The following PIKFYVE variants were observed in gnomAD, a reference collection of about 807,000 sequenced individuals.
PIKFYVE encodes the protein phosphoinositide kinase, FYVE-type zinc finger containing.
A neutral mutation model predicts 257.9 loss-of-function variants in PIKFYVE; 122 were observed. That is an observed-to-expected ratio of 0.47 (90% CI 0.41 to 0.55). The LOEUF is 0.55. Among genes scored for constraint, PIKFYVE ranks in the 20% least tolerant of loss-of-function variants. The pLI is 0.00. For synonymous variants in PIKFYVE, 892 were observed against 868.9 expected, an observed-to-expected ratio of 1.03 and a Z score of -0.47; for missense variants, 2,160 against 2,536.6, an observed-to-expected ratio of 0.85 and a Z score of 3.19.
rs1465449127 is a variant in PIKFYVE, at chr2:208,269,055, T to A, written c.-9-2456T>A. On this transcript the variant is annotated intron_variant, in intron 1 of 41. Transcript: ENST00000264380. ...TTGTTTTAGGTTCAGAGTACCTTGG[T>A]TGCCTCAAAGGTAAAATGTCATAAA... Among the ~76,000 whole-genome samples the A allele has an allele frequency of 3.3e-5, 5 of 152,304 alleles. No individual in the cohort carries two copies. The East Asian group carries it at 9.6e-4, about 29-fold the overall frequency.
intron 35 of PIKFYVE, among the ~76,000 whole-genome samples, chr2:208,348,530 C>T (rs1230822004): frequency 6.6e-6 from 1 of 150,858 alleles, no homozygotes; most frequent in Non-Finnish European, 1.5e-5. Flanking sequence ...GGCAGGATCA[C>T]TTGAAGCCAG....
At chr2:208,271,810 G>C in intron 2 of PIKFYVE, 119 bp downstream of exon 2, 1 of 972,728 alleles carries the variant, frequency 1.0e-6, no homozygotes, top group Non-Finnish European at 1.5e-6. Flanking sequence ...TTTAATGCTG[G>C]GTCTGTAAGA....
At chr2:208,305,528 C>G (rs1445212458) in intron 12 of PIKFYVE, 12 of 820,250 alleles carry the variant, frequency 1.5e-5, no homozygotes, top group Non-Finnish European at 1.8e-5. Flanking sequence ...TTTATTAAAA[C>G]AATTTCTTCT....
At position 208,335,789 on chromosome 2, in the gene PIKFYVE, T is replaced by A. The variant is rs1199258733; in HGVS notation, c.4257-4T>A. The A allele has an allele frequency of 6.2e-7, 1 of 1,601,400 alleles. No homozygotes were observed. The highest frequency in any genetic ancestry group is 8.6e-7 in the Non-Finnish European group (1 of 1,168,896). ...AAAGTGTTTAATGCTCTCGCTATTG[T>A]TAGAGTTTCACAGGTATATGTTGCC... On this transcript the variant is annotated splice_polypyrimidine_tract_variant and splice_region_variant and intron_variant, in intron 25 of 41. Transcript: ENST00000264380.
In PIKFYVE at chr2:208,324,846, G is replaced by C. The variant is rs1696731925; in HGVS notation, c.2332-65G>C. ...TTTTAATTTTTCCATTACTTTTCCA[G>C]ATTAAATTTACAAAGATTTTTATTC... is the stretch of plus-strand genomic sequence containing the variant. On this transcript the variant is annotated intron_variant, in intron 18 of 41. Coordinates refer to ENST00000264380, the MANE Select transcript of PIKFYVE (RefSeq NM_015040.4). 3.2e-6 allele frequency: 5 copies of C among 1,567,482 alleles called. No individual in the cohort carries two copies. The Admixed American group carries it at 6.7e-5, about 21-fold the overall frequency.
rs761210553 is a variant in PIKFYVE at position 208,324,187 on chromosome 2, C to T, written c.2236C>T (p.Arg746Ter). ...TTATGTCCAGCGAATAGTTGATGTT[C>T]GACCCACCTTGGTTCTTGTTGAGAA... is the stretch of plus-strand genomic sequence containing the variant. Reference protein sequence around the residue: ...KNYVQRIVDVRPTLVLVEKTV... With the variant: ...KNYVQRIVDV Residue 746 changes from arginine (R) to a stop codon, truncating the protein, a stop_gained, in exon 18 of 42, where the codon CGA becomes TGA. Transcript: ENST00000264380. LOFTEE classifies it high-confidence loss of function. The T allele has an allele frequency of 8.7e-6, 14 of 1,613,732 alleles. No homozygotes were observed. The highest frequency in any genetic ancestry group is 1.1e-5 in the Non-Finnish European group (13 of 1,179,718).
In PIKFYVE at chr2:208,358,475, CTG is replaced by C. The variant is rs1011717099; in HGVS notation, c.*3174_*3175del. 1 of 151,624 alleles carries C rather than the reference CTG, an allele frequency of 6.6e-6. No individual in the cohort carries two copies. Among genetic ancestry groups the C allele is most frequent in the Non-Finnish European group, 1.5e-5 (1 of 67,892 alleles). 9.4% of individuals were successfully genotyped at this position (151,624 alleles called of 1,614,324 possible). A position where few individuals can be genotyped will look rare whatever the true frequency, so the allele number is the denominator to read the frequency against. On this transcript the variant is annotated 3_prime_UTR_variant, in exon 42 of 42. Transcript: ENST00000264380. ...ACAATCATTAGCAGTTTTAATACTGCTGTGTCAGTTTTGTAAAAAATGTACAT... is the reference window on the plus strand; with the variant it reads ...ACAATCATTAGCAGTTTTAATACTGCTGTCAGTTTTGTAAAAAATGTACAT...
chr2:208,276,689 G>GTTAA (rs774345395), intron 3 of PIKFYVE, 23 bp from the exon 4 acceptor site: 18 of 1,539,418 alleles, frequency 1.2e-5, no homozygotes, highest in Non-Finnish European at 1.6e-5. Context: ...TAACAAGGTT[G>GTTAA]CTTTTTTTTT....
chr2:208,335,664 G>A, intron 25 of PIKFYVE, 129 bp from the exon 26 acceptor site: 2 of 865,256 alleles, frequency 2.3e-6, no homozygotes, highest in Middle Eastern at 3.5e-4. Flanking sequence ...CTGCAAAACT[G>A]TATGTAATTC....
In PIKFYVE at chr2:208,336,095, T is replaced by C; in HGVS notation, c.4415T>C (p.Leu1472Pro). The C allele has an allele frequency of 6.2e-7, 1 of 1,614,126 alleles. No homozygotes were observed. Among genetic ancestry groups the C allele is most frequent in the Non-Finnish European group, 8.5e-7 (1 of 1,179,982 alleles). The change falls in exon 27 of 42, where the codon CTC becomes CCC. Residue 1472 changes from leucine to proline, a missense_variant. Leu to Pro is a moderately conservative substitution (Grantham distance 98). This residue lies in a region of PIKFYVE where 699 missense variants were observed against 855.8 expected (regional missense o/e 0.82). Coordinates refer to ENST00000264380, the MANE Select transcript of PIKFYVE (RefSeq NM_015040.4). ...KNWIEKMQAR[L>P]MSSSVDTPQQ... ...TGGATTGAGAAGATGCAAGCAAGGC[T>C]CATGTCTTCCTCTGTAGATACCCCT... is the stretch of plus-strand genomic sequence containing the variant.
At chr2:208,286,101 A>C (rs1389730912) in intron 6 of PIKFYVE, among the ~76,000 whole-genome samples, 168 bp downstream of exon 6, 1 of 152,084 alleles carries the variant, frequency 6.6e-6, no homozygotes, top group South Asian at 2.1e-4. Context: ...ATGTTTATGG[A>C]TAGTGATGAT....
At chr2:208,301,293 A>G (rs1177545446) in intron 9 of PIKFYVE, among the ~76,000 whole-genome samples, 199 bp downstream of exon 9, 2 of 152,206 alleles carry the variant, frequency 1.3e-5, no homozygotes, top group African/African-American at 2.4e-5. Context: ...AAGGAGTACA[A>G]GGAGCCAAAT....
intron 16 of PIKFYVE, 35 bp downstream of exon 16, chr2:208,317,976 A>C (rs751210813): frequency 6.4e-7 from 1 of 1,551,462 alleles, no homozygotes; most frequent in Non-Finnish European, 8.9e-7. Flanking sequence ...AAGTTCAGCA[A>C]ACCATGGCTG....
chr2:208,314,538 G>T (rs1278698320), intron 14 of PIKFYVE, 115 bp downstream of exon 14: 3 of 1,214,676 alleles, frequency 2.5e-6, no homozygotes, highest in African/African-American at 1.5e-5. Context: ...TCCTTAGAAA[G>T]TAAAAAAATA....
chr2:208,326,010 C>G lies in PIKFYVE; in HGVS notation c.3199C>G (p.Leu1067Val). The change falls in exon 20 of 42, where the codon CTT becomes GTT. Residue 1067 changes from leucine to valine, a missense_variant. Around this residue, in one of 12 missense-constraint regions of PIKFYVE, gnomAD observed 522 missense variants for 514.6 expected, o/e 1.01. Coordinates refer to ENST00000264380, the MANE Select transcript of PIKFYVE (RefSeq NM_015040.4). ...SPVITFREPF[L>V]LTEKGMRCST... ...AGTAATCACATTCCGAGAACCCTTT[C>G]TTTTAACTGAAAAGGGGATGAGATG... 14 of 1,614,148 alleles carry G rather than the reference C, an allele frequency of 8.7e-6. No homozygotes were observed. Among genetic ancestry groups the G allele is most frequent in the Non-Finnish European group, 1.2e-5 (14 of 1,179,994 alleles).
In PIKFYVE at chr2:208,325,044, G is replaced by C; in HGVS notation, c.2458+7G>C. ...ATATTTCAGTTGCCTAATGGTGAGT[G>C]ATCTTTAGCATAGATTGACCTGAGG... On this transcript the variant is annotated splice_region_variant and intron_variant, in intron 19 of 41. Coordinates refer to ENST00000264380, the MANE Select transcript of PIKFYVE (RefSeq NM_015040.4). The C allele has an allele frequency of 6.2e-7, 1 of 1,614,094 alleles. No homozygotes were observed. Among genetic ancestry groups the C allele is most frequent in the Non-Finnish European group, 8.5e-7 (1 of 1,179,976 alleles).
In PIKFYVE at chr2:208,297,117, C is replaced by T. The variant is rs16840864; in HGVS notation, c.912-1524C>T. 4.0e-3 allele frequency among the ~76,000 whole-genome samples: 614 copies of T among 152,266 alleles called. 17 individuals are homozygous for T. The South Asian group carries it at 0.059, about 15-fold the overall frequency. Reference sequence around the variant, plus strand: ...GACTGATGTAAGTCTTTAGGAAAGACGTAATTTAGTCAATGAATGCTGTCT... The same window carrying T: ...GACTGATGTAAGTCTTTAGGAAAGATGTAATTTAGTCAATGAATGCTGTCT... On this transcript the variant is annotated intron_variant, in intron 7 of 41. Coordinates refer to ENST00000264380, the MANE Select transcript of PIKFYVE (RefSeq NM_015040.4).
rs1292294990 is a variant in PIKFYVE at position 208,271,585 on chromosome 2, T to C, written c.66T>C (p.Thr22=). 1 of 1,614,116 alleles carries C rather than the reference T, an allele frequency of 6.2e-7. No homozygotes were observed. Among genetic ancestry groups the C allele is most frequent in the South Asian group, 1.1e-5 (1 of 91,084 alleles). Residue 22 remains threonine (T), a synonymous_variant, in exon 2 of 42, where the codon ACT becomes ACC. Transcript: ENST00000264380. ...CTAATGATTTGCCTCGATCTCCTAC[T>C]AGTCCTTCTCATCTCACACACTTTA... ...DSANDLPRSP[T]SPSHLTHFKP... is the part of the protein sequence containing the mutation.
intron 13 of PIKFYVE, among the ~76,000 whole-genome samples, chr2:208,313,362 T>C (rs542813823): frequency 1.3e-5 from 2 of 152,330 alleles, no homozygotes; most frequent in African/African-American, 4.8e-5. Context: ...TTAATATTTA[T>C]GTTTTTGAGT....
Sources: gnomAD v4.1 joint callset for allele counts (sites outside exome capture counted in the v4.1 genomes callset) on GRCh38, gnomAD v4.1.1 for gene constraint, gnomAD v4.1.1 regional missense constraint, MANE v1.5 for transcripts, NCBI Gene and HGNC (gene_info 2026-07-23, HGNC 2026-07-21) for gene names.